The following GRM8 variants were observed in gnomAD, a reference collection of about 807,000 sequenced individuals.
GRM8 encodes glutamate metabotropic receptor 8.
In GRM8, 47 loss-of-function variants were observed where a neutral mutation model predicts 87.2. That is an observed-to-expected ratio of 0.54 (90% CI 0.43 to 0.69). The LOEUF (loss-of-function observed/expected upper bound fraction) is 0.69. GRM8 is among the 30% of genes least tolerant of loss of function. GRM8 has a pLI of 0.00. For missense variants in GRM8, 1,019 were observed against 1,139.2 expected (o/e 0.89, Z 1.52); for synonymous variants, 396 against 404.5 (o/e 0.98, Z 0.25).
At chr7:127,028,681 C>A (rs992718813) in intron 3 of GRM8, among the ~76,000 whole-genome samples, 3 of 152,034 alleles carry the variant, frequency 2.0e-5, no homozygotes, top group African/African-American at 7.2e-5. Context: ...GTGGTGATAT[C>A]CCCTTTTATC....
intron 3 of GRM8, among the ~76,000 whole-genome samples, chr7:127,051,195 C>T (rs1327252065): frequency 6.6e-6 from 1 of 152,112 alleles, no homozygotes; most frequent in Non-Finnish European, 1.5e-5. Context: ...AAAATGCAAA[C>T]ACCTGGGCCC....
At chr7:126,964,115 G>C (rs1165929887) in intron 3 of GRM8, among the ~76,000 whole-genome samples, 1 of 152,172 alleles carries the variant, frequency 6.6e-6, no homozygotes, top group African/African-American at 2.4e-5. Context: ...CTAGCCATAT[G>C]CAGAAAACTG....
chr7:127,015,144 GAA>G (rs1563414001), intron 3 of GRM8, among the ~76,000 whole-genome samples: 172 of 133,400 alleles, frequency 1.3e-3, no homozygotes, highest in African/African-American at 4.8e-3. Flanking sequence ...AAGGAAGAAG[GAA>G]GAAGGAAGAA....
chr7:126,709,423 A>AGAG lies in GRM8; in HGVS notation c.1357+60439_1357+60441dup, dbSNP rs529826860. Reference sequence around the variant, plus strand: ...AGAAAAAAGAAAAAGAAGAAAAAGAAGAGGAGGAGGAGGAGGAGGAAGAAG... The same window carrying AGAG: ...AGAAAAAAGAAAAAGAAGAAAAAGAAGAGGAGGAGGAGGAGGAGGAGGAAGAAG... On this transcript the variant is annotated intron_variant, in intron 7 of 10. Coordinates refer to ENST00000339582, the MANE Select transcript of GRM8 (RefSeq NM_000845.3). 1.2e-4 allele frequency among the ~76,000 whole-genome samples: 18 copies of AGAG among 151,994 alleles called. No homozygotes were observed. In the South Asian group the frequency reaches 1.7e-3, roughly 14 times the overall value.
At chr7:127,061,816 T>C (rs1172130918) in intron 3 of GRM8, among the ~76,000 whole-genome samples, 2 of 152,236 alleles carry the variant, frequency 1.3e-5, no homozygotes, top group Non-Finnish European at 2.9e-5. Context: ...CCCACCAGAA[T>C]GTAAATAGTC....
chr7:127,116,458 C>A (rs1826708297), intron 2 of GRM8, among the ~76,000 whole-genome samples: 1 of 152,166 alleles, frequency 6.6e-6, no homozygotes, highest in Non-Finnish European at 1.5e-5. Context: ...ATGGTCCTCC[C>A]AGCCCCATGG....
intron 8 of GRM8, among the ~76,000 whole-genome samples, chr7:126,572,396 C>T (rs769699625): frequency 6.6e-6 from 1 of 152,080 alleles, no homozygotes; most frequent in Non-Finnish European, 1.5e-5. Flanking sequence ...TATTCCAATG[C>T]TGATAGATAG....
intron 8 of GRM8, among the ~76,000 whole-genome samples, chr7:126,556,135 C>A (rs1487524373): frequency 6.6e-6 from 1 of 151,986 alleles, no homozygotes; most frequent in Non-Finnish European, 1.5e-5. Context: ...GAATGAGAGA[C>A]AAAATACTTC....
rs556792653 is a variant in GRM8, at chr7:126,461,367, C to A, written c.2431-14995G>T. Reference sequence around the variant, plus strand: ...GTGCTTTGTACTCCTAACCCACAACCACAACTCCTCTCTATCCCCAGCCTC... The same window carrying A: ...GTGCTTTGTACTCCTAACCCACAACAACAACTCCTCTCTATCCCCAGCCTC... On this transcript the variant is annotated intron_variant, in intron 9 of 10. Coordinates refer to ENST00000339582, the MANE Select transcript of GRM8 (RefSeq NM_000845.3). 2.0e-5 allele frequency among the ~76,000 whole-genome samples: 3 copies of A among 151,666 alleles called. No homozygotes were observed. In the East Asian group the frequency reaches 5.8e-4, roughly 30 times the overall value.
chr7:126,842,007 C>A (rs1796312857), intron 6 of GRM8, among the ~76,000 whole-genome samples: 1 of 151,992 alleles, frequency 6.6e-6, no homozygotes, highest in African/African-American at 2.4e-5. Flanking sequence ...AGCTCACACA[C>A]CTACATTGGC....
chr7:126,647,230 C>T (rs1282846682), intron 7 of GRM8, among the ~76,000 whole-genome samples: 1 of 151,856 alleles, frequency 6.6e-6, no homozygotes, highest in East Asian at 1.9e-4. Flanking sequence ...CCTAAATCAA[C>T]AAATGTATAA....
intron 9 of GRM8, among the ~76,000 whole-genome samples, chr7:126,484,240 C>A (rs1415506162): frequency 6.6e-6 from 1 of 152,066 alleles, no homozygotes; most frequent in African/African-American, 2.4e-5. Context: ...TAAGTAACAG[C>A]TGGTTACCCC....
chr7:126,672,617 C>T (rs1473725514), intron 7 of GRM8, among the ~76,000 whole-genome samples: 5 of 152,136 alleles, frequency 3.3e-5, no homozygotes, highest in South Asian at 2.1e-4. Flanking sequence ...TCAAGCTCAG[C>T]GGGAAAGGAA....
intron 2 of GRM8, among the ~76,000 whole-genome samples, chr7:127,225,999 A>G (rs1236161215): frequency 2.0e-5 from 3 of 152,184 alleles, no homozygotes; most frequent in Non-Finnish European, 4.4e-5. Flanking sequence ...CATTATTCCA[A>G]ATATAAGGGT....
intron 7 of GRM8, among the ~76,000 whole-genome samples, chr7:126,721,395 C>A (rs1327383179): frequency 6.6e-6 from 1 of 152,100 alleles, no homozygotes; most frequent in African/African-American, 2.4e-5. Context: ...TGAAACATTT[C>A]TTTTACCAAC....
chr7:127,182,814 T>C (rs538978988), intron 2 of GRM8, among the ~76,000 whole-genome samples: 3 of 151,826 alleles, frequency 2.0e-5, no homozygotes, highest in African/African-American at 7.2e-5. Flanking sequence ...CCAAACACCA[T>C]ATGTTCTAAC....
At chr7:127,167,500 G>T (rs1257688910) in intron 2 of GRM8, among the ~76,000 whole-genome samples, 2 of 151,652 alleles carry the variant, frequency 1.3e-5, no homozygotes, top group African/African-American at 4.9e-5. Flanking sequence ...CAAGTCTATC[G>T]CTGTCATTTT....
chr7:127,131,991 A>G (rs547850137), intron 2 of GRM8, among the ~76,000 whole-genome samples: 1 of 152,334 alleles, frequency 6.6e-6, no homozygotes, highest in African/African-American at 2.4e-5. Flanking sequence ...GCCATTTAAA[A>G]CATGTCATTT....
chr7:127,035,378 T>C (rs1275807827), intron 3 of GRM8, among the ~76,000 whole-genome samples: 1 of 152,150 alleles, frequency 6.6e-6, no homozygotes. Context: ...TACTCAGGCC[T>C]GTGTAGTTTG....
Sources: allele counts gnomAD v4.1 joint callset (sites outside exome capture counted in the v4.1 genomes callset), GRCh38; gene constraint gnomAD v4.1.1; transcripts MANE v1.5; gene names NCBI Gene and HGNC (gene_info 2026-07-23, HGNC 2026-07-21).